Variants in PCDH15 observed in about 807,000 individuals in gnomAD.
PCDH15 encodes the protein protocadherin-15.
In PCDH15, 129 loss-of-function variants were observed where a neutral mutation model predicts 178.5. That is an observed-to-expected ratio of 0.72 (90% CI 0.63 to 0.84). PCDH15 has a LOEUF of 0.84. Ranked by LOEUF, PCDH15 falls within the 40% of genes least tolerant of loss-of-function variation. The pLI, the probability that PCDH15 is intolerant of heterozygous loss-of-function variation, is 0.00. For missense variants in PCDH15, 2,230 were observed against 2,099.9 expected, an observed-to-expected ratio of 1.06 and a Z score of -1.21; for synonymous variants, 800 against 732.0, an observed-to-expected ratio of 1.09 and a Z score of -1.50.
Position 54,957,421 on chromosome 10 carries a change from A to G in PCDH15, c.-79-59921T>C, listed in dbSNP as rs1241292732. ...AGTTCAATATGAAAGACAGCATTAC[A>G]AAGAAGTGTGTGTGGTAGGATAAAA... On this transcript the variant is annotated intron_variant, in intron 2 of 5. Coordinates refer to the PCDH15 transcript ENST00000458638. 6.6e-5 allele frequency among the ~76,000 whole-genome samples: 10 copies of G among 151,842 alleles called. No homozygotes were observed. In the South Asian group the frequency reaches 1.7e-3, roughly 25 times the overall value.
chr10:54,068,200 C>T (rs1009803690), intron 17 of PCDH15, among the ~76,000 whole-genome samples: 10 of 152,022 alleles, frequency 6.6e-5, no homozygotes, highest in African/African-American at 2.4e-4. Flanking sequence ...GTAACTTTAT[C>T]CCAAGCCTCT....
chr10:54,112,415 G>A (rs1407371998), intron 15 of PCDH15, among the ~76,000 whole-genome samples: 1 of 151,980 alleles, frequency 6.6e-6, no homozygotes, highest in Non-Finnish European at 1.5e-5. Flanking sequence ...GGGGGTGGGG[G>A]CAAAATTGTA....
intron 8 of PCDH15, among the ~76,000 whole-genome samples, chr10:54,283,355 G>A (rs2058821474): frequency 6.6e-6 from 1 of 152,032 alleles, no homozygotes; most frequent in Admixed American, 6.6e-5. Context: ...TTTTATATGG[G>A]TAATTTAACC....
chr10:54,104,811 T>C (rs74703181), intron 15 of PCDH15, among the ~76,000 whole-genome samples: 4,182 of 126,140 alleles, frequency 0.033, 190 homozygotes, highest in East Asian at 0.19. Flanking sequence ...CACTCCAGCC[T>C]GGCTGAGAGA....
At chr10:54,097,372 G>A (rs891685536) in intron 15 of PCDH15, among the ~76,000 whole-genome samples, 1 of 152,080 alleles carries the variant, frequency 6.6e-6, no homozygotes, top group Non-Finnish European at 1.5e-5. Flanking sequence ...AAACTTCGGG[G>A]TCTTACCTTT....
At chr10:54,417,636 A>G (rs1035657221) in intron 3 of PCDH15, among the ~76,000 whole-genome samples, 1 of 152,182 alleles carries the variant, frequency 6.6e-6, no homozygotes, top group African/African-American at 2.4e-5. Flanking sequence ...CAAATATAGA[A>G]TGGGAGAATG....
rs576900552 is a variant in PCDH15 at position 54,169,740 on chromosome 10, C to T, written c.1590+13704G>A. On this transcript the variant is annotated intron_variant, in intron 13 of 37. Coordinates refer to ENST00000644397, the MANE Select transcript of PCDH15 (RefSeq NM_001384140.1). ...TAATCACCCTTACCCCACTCAACGC[C>T]GACATCCCATCCCGCAGCACGCTTT... 7.2e-5 allele frequency among the ~76,000 whole-genome samples: 11 copies of T among 152,036 alleles called. No individual in the cohort carries two copies. The East Asian group carries it at 9.7e-4, about 13-fold the overall frequency.
intron 25 of PCDH15, among the ~76,000 whole-genome samples, chr10:53,912,695 C>T (rs527323796): frequency 6.6e-6 from 1 of 152,256 alleles, no homozygotes; most frequent in African/African-American, 2.4e-5. Context: ...TTCACAGTTG[C>T]TTCAAAGAGA....
intron 2 of PCDH15, among the ~76,000 whole-genome samples, chr10:55,517,329 T>G (rs1350829322): frequency 2.6e-5 from 4 of 152,124 alleles, no homozygotes; most frequent in South Asian, 4.1e-4. Flanking sequence ...ACTGAAGTCC[T>G]ATTAGTTTTC....
intron 1 of PCDH15, among the ~76,000 whole-genome samples, chr10:54,681,621 T>C (rs138238416): frequency 0.012 from 1,797 of 152,130 alleles, 17 homozygotes; most frequent in African/African-American, 0.019. Flanking sequence ...AGAAGAGTGG[T>C]TTTAGTGGAG....
chr10:53,855,304 A>C (rs748708429), intron 28 of PCDH15, among the ~76,000 whole-genome samples: 8 of 152,078 alleles, frequency 5.3e-5, no homozygotes, highest in Non-Finnish European at 1.0e-4. Flanking sequence ...GAATCAGAGA[A>C]AGCCTGTCTC....
chr10:54,059,742 A>G (rs2093975716), intron 18 of PCDH15, among the ~76,000 whole-genome samples: 1 of 152,178 alleles, frequency 6.6e-6, no homozygotes. Context: ...GCATGTTTGT[A>G]TTTTTTCAGT....
At chr10:54,204,453 G>A (rs2050574027) in intron 10 of PCDH15, among the ~76,000 whole-genome samples, 1 of 151,984 alleles carries the variant, frequency 6.6e-6, no homozygotes, top group South Asian at 2.1e-4. Flanking sequence ...ACTAGGAGGA[G>A]GTGTAGGAGG....
At chr10:55,186,103 A>C (rs1839793134) in intron 1 of PCDH15, among the ~76,000 whole-genome samples, 1 of 151,694 alleles carries the variant, frequency 6.6e-6, no homozygotes, top group Admixed American at 6.6e-5. Context: ...AAATGTTAGA[A>C]GACTGAAGCC....
chr10:53,960,366 C>A (rs1287510237), intron 22 of PCDH15, among the ~76,000 whole-genome samples: 1 of 152,104 alleles, frequency 6.6e-6, no homozygotes, highest in Non-Finnish European at 1.5e-5. Context: ...AATTGGAAAT[C>A]TTTATAGTTT....
At chr10:55,471,239 C>T (rs1032538099) in intron 2 of PCDH15, among the ~76,000 whole-genome samples, 14 of 152,174 alleles carry the variant, frequency 9.2e-5, no homozygotes, top group Non-Finnish European at 1.3e-4. Flanking sequence ...TTCACATATA[C>T]AAAGTTTAAT....
chr10:54,920,468 CAAAAA>C (rs71014429), intron 2 of PCDH15, among the ~76,000 whole-genome samples: 2 of 57,802 alleles, frequency 3.5e-5, no homozygotes, highest in Non-Finnish European at 6.1e-5. Context: ...GACTGTGTCT[CAAAAA>C]AAAAAAAAAA....
Position 55,546,549 on chromosome 10 carries a change from T to C in PCDH15, c.-156+81076A>G, listed in dbSNP as rs140650652. Among the ~76,000 whole-genome samples the C allele has an allele frequency of 6.4e-4, 97 of 152,270 alleles. 1 individual carries two copies. The highest frequency in any genetic ancestry group is 2.0e-3 in the African/African-American group (85 of 41,570). On this transcript the variant is annotated intron_variant, in intron 2 of 5. Coordinates refer to the PCDH15 transcript ENST00000613346. ...TAAATTCAAAACAGTTTTGACTATA[T>C]ATGTTATAAAGCTAGAGGTTTTATT... is the stretch of plus-strand genomic sequence containing the variant.
chr10:54,477,677 G>A (rs2078373884), intron 3 of PCDH15, among the ~76,000 whole-genome samples: 2 of 152,166 alleles, frequency 1.3e-5, no homozygotes, highest in South Asian at 4.1e-4. Context: ...GCTCACTGCA[G>A]CCTTCGACTT....
Sources: gnomAD v4.1 joint callset for allele counts (sites outside exome capture counted in the v4.1 genomes callset) on GRCh38, gnomAD v4.1.1 for gene constraint, MANE v1.5 for transcripts, NCBI Gene and HGNC (gene_info 2026-07-23, HGNC 2026-07-21) for gene names.